Variants in ITGA9 observed in about 807,000 individuals in gnomAD.
The protein encoded by ITGA9 is integrin alpha-9.
In ITGA9, 56 loss-of-function variants were observed where a neutral mutation model predicts 127.8. The ratio of observed to expected loss-of-function variants is 0.44; its 90% CI spans 0.35 to 0.55. ITGA9 has a LOEUF of 0.55. Among genes scored for constraint, ITGA9 ranks in the 20% least tolerant of loss-of-function variants. ITGA9 has a pLI of 0.00. For missense variants in ITGA9, 1,196 were observed against 1,347.1 expected, an observed-to-expected ratio of 0.89 and a Z score of 1.76; for synonymous variants, 508 against 514.5, an observed-to-expected ratio of 0.99 and a Z score of 0.17.
At chr3:37,601,698 C>G (rs1699924091) in intron 15 of ITGA9, among the ~76,000 whole-genome samples, 1 of 152,206 alleles carries the variant, frequency 6.6e-6, no homozygotes, top group African/African-American at 2.4e-5. Flanking sequence ...AACTTGAACA[C>G]CATCAGCATG....
intron 25 of ITGA9, among the ~76,000 whole-genome samples, chr3:37,782,994 C>T (rs1696995304): frequency 6.6e-6 from 1 of 152,096 alleles, no homozygotes; most frequent in African/African-American, 2.4e-5. Flanking sequence ...CAAAAATTAG[C>T]CTGGCATGGT....
intron 15 of ITGA9, among the ~76,000 whole-genome samples, chr3:37,611,933 A>C (rs1052587512): frequency 6.6e-6 from 1 of 152,152 alleles, no homozygotes; most frequent in Non-Finnish European, 1.5e-5. Flanking sequence ...AACTCTGAGC[A>C]CTGAAGCAGC....
intron 23 of ITGA9, among the ~76,000 whole-genome samples, chr3:37,773,537 G>A (rs376759723): frequency 2.0e-5 from 3 of 151,792 alleles, no homozygotes; most frequent in African/African-American, 7.3e-5. Flanking sequence ...TAAATATAGG[G>A]CAAGCCCCAA....
intron 23 of ITGA9, among the ~76,000 whole-genome samples, chr3:37,761,498 G>C (rs1457977355): frequency 6.6e-6 from 1 of 152,196 alleles, no homozygotes; most frequent in Non-Finnish European, 1.5e-5. Flanking sequence ...AGAGAAAGTT[G>C]TTAGATTCAG....
chr3:37,533,578 C>A, intron 14 of ITGA9, 110 bp downstream of exon 14: 2 of 1,038,122 alleles, frequency 1.9e-6, no homozygotes, highest in Non-Finnish European at 2.9e-6. Flanking sequence ...TTGCAGGCAG[C>A]AGGCACACAG....
At position 37,517,627 on chromosome 3, in the gene ITGA9, G is replaced by T; in HGVS notation, c.1141+18G>T. ...GTTCCCAGGTGAGTGAGTGCTCCTG[G>T]TGCACGGAGCCCCTCCAGGTGCAGC... is the stretch of plus-strand genomic sequence containing the variant. On this transcript the variant is annotated intron_variant, in intron 10 of 27. Coordinates refer to ENST00000264741, the MANE Select transcript of ITGA9 (RefSeq NM_002207.3). 2.0e-6 allele frequency: 3 copies of T among 1,529,602 alleles called. No homozygotes were observed. Among genetic ancestry groups the T allele is most frequent in the Non-Finnish European group, 2.7e-6 (3 of 1,123,408 alleles). 94.8% of individuals were successfully genotyped at this position (1,529,602 alleles called of 1,614,324 possible).
chr3:37,625,115 T>A (rs1024049914), intron 15 of ITGA9, among the ~76,000 whole-genome samples: 4 of 152,206 alleles, frequency 2.6e-5, no homozygotes, highest in African/African-American at 9.6e-5. Context: ...CATGTGGCTA[T>A]ACCACCCCTG....
Position 37,822,144 on chromosome 3 carries a change from C to T in ITGA9, c.*3155C>T, listed in dbSNP as rs1697522559. 1 of 152,074 alleles carries T rather than the reference C, an allele frequency of 6.6e-6. No homozygotes were observed. Among genetic ancestry groups the T allele is most frequent in the Admixed American group, 6.6e-5 (1 of 15,266 alleles). 9.4% of individuals were successfully genotyped at this position (152,074 alleles called of 1,614,324 possible). On this transcript the variant is annotated 3_prime_UTR_variant, in exon 28 of 28. Coordinates refer to ENST00000264741, the MANE Select transcript of ITGA9 (RefSeq NM_002207.3). Reference sequence around the variant, plus strand: ...TTCTACTTTCTCCCCTTCCTGCTTCCATGGTTTCACTGTGGAATCCTATAA... The same window carrying T: ...TTCTACTTTCTCCCCTTCCTGCTTCTATGGTTTCACTGTGGAATCCTATAA...
chr3:37,610,335 A>T (rs550071104), intron 15 of ITGA9, among the ~76,000 whole-genome samples: 2 of 152,324 alleles, frequency 1.3e-5, no homozygotes, highest in Non-Finnish European at 2.9e-5. Context: ...AAATTTGTTC[A>T]AAGTTTCCAT....
intron 16 of ITGA9, among the ~76,000 whole-genome samples, chr3:37,648,414 A>C (rs924794463): frequency 3.9e-5 from 6 of 152,198 alleles, no homozygotes; most frequent in African/African-American, 1.4e-4. Flanking sequence ...ACTTGAGCCT[A>C]GGAGTTTGAG....
At chr3:37,571,874 A>G (rs1050576711) in intron 15 of ITGA9, among the ~76,000 whole-genome samples, 1 of 151,588 alleles carries the variant, frequency 6.6e-6, no homozygotes, top group Admixed American at 6.6e-5. Flanking sequence ...TCCTTTATTC[A>G]TCCTGCCCTT....
chr3:37,546,709 G>A (rs577861451), intron 15 of ITGA9, among the ~76,000 whole-genome samples: 16 of 152,320 alleles, frequency 1.1e-4, no homozygotes, highest in African/African-American at 3.8e-4. Context: ...GGAGTGTGGG[G>A]TCACAAAGGC....
chr3:37,613,876 A>G (rs1285834704), intron 15 of ITGA9, among the ~76,000 whole-genome samples: 2 of 152,208 alleles, frequency 1.3e-5, no homozygotes, highest in Non-Finnish European at 2.9e-5. Flanking sequence ...CCTTTGTCAG[A>G]TGAGTAGATT....
chr3:37,514,094 C>T (rs575208239), intron 9 of ITGA9, among the ~76,000 whole-genome samples, 194 bp downstream of exon 9: 3 of 152,222 alleles, frequency 2.0e-5, no homozygotes, highest in Non-Finnish European at 4.4e-5. Flanking sequence ...CAACTGCAGA[C>T]ACCCAGGGGC....
Position 37,513,801 on chromosome 3 carries a change from C to A in ITGA9, c.936C>A (p.Asp312Glu). 3 of 1,614,034 alleles carry A rather than the reference C, an allele frequency of 1.9e-6. No homozygotes were observed. The highest frequency in any genetic ancestry group is 2.5e-6 in the Non-Finnish European group (3 of 1,180,018). ...TCGGCTCCTCCTTGTGCGCAGTTGA[C>A]CTGAATGGGGACGGCCTCTCTGACC... is the stretch of plus-strand genomic sequence containing the variant. ...SYFGSSLCAV[D>E]LNGDGLSDLL... The change falls in exon 9 of 28, where the codon GAC becomes GAA. Residue 312 changes from aspartate (D) to glutamate (E), a missense_variant. Asp to Glu is a conservative substitution (Grantham distance 45, BLOSUM62 2). Coordinates refer to ENST00000264741, the MANE Select transcript of ITGA9 (RefSeq NM_002207.3).
chr3:37,550,523 T>G (rs539390213), intron 15 of ITGA9, among the ~76,000 whole-genome samples: 1 of 152,318 alleles, frequency 6.6e-6, no homozygotes, highest in African/African-American at 2.4e-5. Flanking sequence ...AATATTCTTA[T>G]CATGTCTGAT....
intron 16 of ITGA9, among the ~76,000 whole-genome samples, chr3:37,651,039 T>G (rs555609649): frequency 6.6e-6 from 1 of 152,348 alleles, no homozygotes; most frequent in South Asian, 2.1e-4. Context: ...AACTAGTATT[T>G]TATCTTTCCA....
intron 23 of ITGA9, among the ~76,000 whole-genome samples, chr3:37,763,772 A>G (rs973857083): frequency 6.6e-6 from 1 of 152,222 alleles, no homozygotes; most frequent in Non-Finnish European, 1.5e-5. Context: ...AAAATGAACA[A>G]TGCACATTTT....
intron 15 of ITGA9, among the ~76,000 whole-genome samples, chr3:37,613,185 T>A (rs1370777593): frequency 2.7e-5 from 4 of 146,512 alleles, no homozygotes; most frequent in African/African-American, 4.9e-5. Context: ...CATTGTTCAA[T>A]TCCCACATAT....
Sources: allele counts gnomAD v4.1 joint callset (sites outside exome capture counted in the v4.1 genomes callset), GRCh38; gene constraint gnomAD v4.1.1; transcripts MANE v1.5; gene names NCBI Gene and HGNC (gene_info 2026-07-23, HGNC 2026-07-21).